The following PCBD2 variants were observed in gnomAD, a reference collection of about 807,000 sequenced individuals.
PCBD2 encodes pterin-4-alpha-carbinolamine dehydratase 2.
A neutral mutation model predicts 16.4 loss-of-function variants in PCBD2; 12 were observed. The observed-to-expected ratio is 0.73, with a 90% confidence interval of 0.47 to 1.19. The LOEUF is 1.19. Among genes scored for constraint, PCBD2 ranks in the 50% most tolerant of loss-of-function variants. The pLI is 0.00. For missense variants in PCBD2, 138 were observed against 156.8 expected (o/e 0.88, Z 0.64); for synonymous variants, 58 against 61.8 (o/e 0.94, Z 0.29).
At chr5:134,933,319 T>C (rs1386903016) in intron 2 of PCBD2, among the ~76,000 whole-genome samples, 1 of 152,320 alleles carries the variant, frequency 6.6e-6, no homozygotes, top group Non-Finnish European at 1.5e-5. Context: ...CACTGCAGCC[T>C]CTATCTTCTG....
At chr5:134,936,637 A>G (rs1371101431) in intron 2 of PCBD2, among the ~76,000 whole-genome samples, 14 of 152,158 alleles carry the variant, frequency 9.2e-5, no homozygotes, top group Admixed American at 9.2e-4. Context: ...CATCCATTGC[A>G]GTATGATTTT....
At chr5:134,956,464 A>G (rs1751416119) in intron 2 of PCBD2, among the ~76,000 whole-genome samples, 2 of 152,180 alleles carry the variant, frequency 1.3e-5, no homozygotes, top group South Asian at 2.1e-4. Context: ...CCGATCATCC[A>G]CTTGATCCAC....
chr5:134,948,754 A>G (rs1751327458), intron 2 of PCBD2, among the ~76,000 whole-genome samples: 1 of 150,434 alleles, frequency 6.6e-6, no homozygotes, highest in African/African-American at 2.5e-5. Flanking sequence ...CTAAAATGCT[A>G]CAGTATGAAA....
At chr5:134,958,291 T>A (rs1382128139) in intron 2 of PCBD2, among the ~76,000 whole-genome samples, 1 of 152,242 alleles carries the variant, frequency 6.6e-6, no homozygotes, top group Non-Finnish European at 1.5e-5. Flanking sequence ...ACCTTCTGCT[T>A]AACAAAATTG....
At chr5:134,924,241 G>A (rs1490770606) in intron 2 of PCBD2, 2 of 395,186 alleles carry the variant, frequency 5.1e-6, no homozygotes, top group Non-Finnish European at 8.9e-6. Flanking sequence ...GTGATTGGGT[G>A]TGTTATTATT....
rs1751479545 is a variant in PCBD2 at position 134,961,726 on chromosome 5, CAGAT to C, written c.*1048_*1051del. 6.6e-6 allele frequency among the ~76,000 whole-genome samples: 1 copy of C among 152,240 alleles called. No individual in the cohort carries two copies. Among genetic ancestry groups the C allele is most frequent in the African/African-American group, 2.4e-5 (1 of 41,556 alleles). ...GGTGGAAAAAGAATTAGGAACTCGACAGATAGTGAGTTTTAACTTTAAATAACAA... is the reference window on the plus strand; with the variant it reads ...GGTGGAAAAAGAATTAGGAACTCGACAGTGAGTTTTAACTTTAAATAACAA... On this transcript the variant is annotated 3_prime_UTR_variant, in exon 4 of 4. Transcript: ENST00000254908.
intron 2 of PCBD2, chr5:134,925,577 G>A (rs1025174700): frequency 2.5e-6 from 1 of 398,050 alleles, no homozygotes; most frequent in Non-Finnish European, 4.4e-6. Flanking sequence ...ATGTCATTTT[G>A]TGTAAGGGCG....
intron 2 of PCBD2, among the ~76,000 whole-genome samples, chr5:134,930,575 T>A (rs765834712): frequency 1.6e-4 from 24 of 152,238 alleles, no homozygotes; most frequent in Non-Finnish European, 2.8e-4. Context: ...ATTGTGCCTT[T>A]GTTCTGCATG....
Position 134,952,682 on chromosome 5 carries a change from G to A in PCBD2, c.217-6358G>A, listed in dbSNP as rs138328767. Among the ~76,000 whole-genome samples, 10 of 152,186 alleles carry A rather than the reference G, an allele frequency of 6.6e-5. No individual in the cohort carries two copies. In the East Asian group the frequency reaches 1.7e-3, roughly 26 times the overall value. Reference sequence around the variant, plus strand: ...TAGCCAGGCATAATGGCACTTGCCTGTAGTCCTAGCTACTTGGGAGGCTGA... The same window carrying A: ...TAGCCAGGCATAATGGCACTTGCCTATAGTCCTAGCTACTTGGGAGGCTGA... On this transcript the variant is annotated intron_variant, in intron 2 of 3. Coordinates refer to ENST00000254908, the MANE Select transcript of PCBD2 (RefSeq NM_032151.5).
chr5:134,926,042 G>T (rs1750989628), intron 2 of PCBD2: 3 of 372,196 alleles, frequency 8.1e-6, no homozygotes, highest in African/African-American at 4.2e-5. Flanking sequence ...CCGATGAATA[G>T]CTGGAATAGG....
chr5:134,948,553 A>G (rs991695102), intron 2 of PCBD2, among the ~76,000 whole-genome samples: 6 of 152,154 alleles, frequency 3.9e-5, no homozygotes, highest in Non-Finnish European at 8.8e-5. Flanking sequence ...AAATTTACTG[A>G]TGTATTGAAA....
At chr5:134,957,565 G>A (rs866836955) in intron 2 of PCBD2, among the ~76,000 whole-genome samples, 35 of 152,198 alleles carry the variant, frequency 2.3e-4, no homozygotes, top group African/African-American at 8.0e-4. Context: ...TCCTTGGGAG[G>A]CTGAGGCAGG....
At chr5:134,929,541 G>A (rs2149535033) in intron 2 of PCBD2, among the ~76,000 whole-genome samples, 1 of 152,130 alleles carries the variant, frequency 6.6e-6, no homozygotes, top group Middle Eastern at 3.4e-3. Flanking sequence ...CGGTGGGTGG[G>A]GCACAGGACA....
At chr5:134,924,809 G>C in intron 2 of PCBD2, 1 of 393,022 alleles carries the variant, frequency 2.5e-6, no homozygotes. Flanking sequence ...TCTAGGAGGA[G>C]TAGGGGTAGG....
chr5:134,959,214 A>G (rs1265258597), intron 3 of PCBD2, 94 bp downstream of exon 3: 2 of 922,358 alleles, frequency 2.2e-6, no homozygotes, highest in Non-Finnish European at 1.6e-6. Context: ...ATGTCATTGT[A>G]CTTAAGAAAG....
intron 2 of PCBD2, among the ~76,000 whole-genome samples, chr5:134,930,988 GCTCA>G (rs1751085915): frequency 1.3e-5 from 2 of 152,064 alleles, no homozygotes; most frequent in Non-Finnish European, 2.9e-5. Context: ...CATGATCGTG[GCTCA>G]CTGCAACCTT....
At position 134,926,930 on chromosome 5, in the gene PCBD2, T is replaced by TA. The variant is rs201055753; in HGVS notation, c.216+16466dup. ...CTCCTAGTAGGTTAATAGTGGGGGG[T>TA]AAGGCGAGATTAGTGAGGCTTGCTA... is the stretch of plus-strand genomic sequence containing the variant. On this transcript the variant is annotated intron_variant, in intron 2 of 3. Coordinates refer to ENST00000254908, the MANE Select transcript of PCBD2 (RefSeq NM_032151.5). 2,369 of 398,256 alleles carry TA rather than the reference T, an allele frequency of 5.9e-3. 46 individuals are homozygous for TA. The highest frequency in any genetic ancestry group is 0.044 in the African/African-American group (2,156 of 48,588). 24.7% of individuals were successfully genotyped at this position (398,256 alleles called of 1,614,324 possible).
chr5:134,955,023 T>TGGA (rs1404442573), intron 2 of PCBD2, among the ~76,000 whole-genome samples: 1 of 152,046 alleles, frequency 6.6e-6, no homozygotes, highest in African/African-American at 2.4e-5. Flanking sequence ...ATTACAGGTG[T>TGGA]GAGCCACTGT....
At chr5:134,956,008 T>C (rs923569446) in intron 2 of PCBD2, among the ~76,000 whole-genome samples, 2 of 152,236 alleles carry the variant, frequency 1.3e-5, no homozygotes, top group African/African-American at 2.4e-5. Context: ...GAGTAGTTCT[T>C]TGAGTGTATA....
Sources: allele counts gnomAD v4.1 joint callset (sites outside exome capture counted in the v4.1 genomes callset), GRCh38; gene constraint gnomAD v4.1.1; transcripts MANE v1.5; gene names NCBI Gene and HGNC (gene_info 2026-07-23, HGNC 2026-07-21).